TRIM13: variants seen among roughly 807,000 people sequenced by gnomAD.
TRIM13 encodes E3 ubiquitin-protein ligase TRIM13.
TRIM13 carries 15 observed loss-of-function variants against 27.1 expected under a neutral mutation model. That is an observed-to-expected ratio of 0.55 (90% CI 0.37 to 0.85). The LOEUF is 0.85. Ranked by LOEUF, TRIM13 falls within the 40% of genes least tolerant of loss-of-function variation. The pLI is 0.00. For missense variants in TRIM13, 402 were observed against 472.2 expected, an observed-to-expected ratio of 0.85 and a Z score of 1.38; for synonymous variants, 193 against 171.5, an observed-to-expected ratio of 1.13 and a Z score of -0.98.
rs1231683165 is a variant in TRIM13 at position 50,015,944 on chromosome 13, AC to A, written c.*2782del. ...GTTTACAGAACAACCTTCAGCGCCG[AC>A]CTGGAATGGTAACTTTTTCCCTCCT... On this transcript the variant is annotated 3_prime_UTR_variant, in exon 2 of 2. Coordinates refer to ENST00000378182, the MANE Select transcript of TRIM13 (RefSeq NM_213590.3). The A allele has an allele frequency of 6.2e-7, 1 of 1,614,076 alleles. No individual in the cohort carries two copies. The highest frequency in any genetic ancestry group is 8.5e-7 in the Non-Finnish European group (1 of 1,179,974).
At chr13:50,001,709 GA>G (rs1316354607) in intron 1 of TRIM13, among the ~76,000 whole-genome samples, 2 of 152,064 alleles carry the variant, frequency 1.3e-5, no homozygotes, top group Non-Finnish European at 2.9e-5. Flanking sequence ...TAGAGGTATT[GA>G]AATCTGATAT....
chr13:49,999,977 T>G (rs1406322246), intron 1 of TRIM13, among the ~76,000 whole-genome samples: 2 of 152,146 alleles, frequency 1.3e-5, no homozygotes, highest in Admixed American at 1.3e-4. Context: ...GCTGGGGGTG[T>G]CTTAGTTTTT....
chr13:50,015,383 A>G lies in TRIM13; in HGVS notation c.*2219A>G. The stretch of plus-strand genomic sequence containing the variant: ...TGGGAATCTAAGTCTGGTTTTTGTT[A>G]TTCTTCCCTCCCCTCCACTGCATAA... On this transcript the variant is annotated 3_prime_UTR_variant, in exon 2 of 2. Transcript: ENST00000378182. 1.2e-6 allele frequency: 1 copy of G among 807,494 alleles called. No homozygotes were observed. Among genetic ancestry groups the G allele is most frequent in the South Asian group, 1.8e-5 (1 of 56,012 alleles). The allele number at this position is 807,494 out of a possible 1,614,324, so 50.0% of individuals were successfully genotyped here. A position where few individuals can be genotyped will look rare whatever the true frequency, so the allele number is the denominator to read the frequency against.
intron 1 of TRIM13, among the ~76,000 whole-genome samples, chr13:50,001,309 A>AAG (rs10688166): frequency 1.3e-5 from 2 of 151,008 alleles, no homozygotes; most frequent in Admixed American, 6.6e-5. Context: ...AAAAAAAAAA[A>AAG]GGCAGGAAAG....
rs200905613 is a variant in TRIM13 at position 50,012,677 on chromosome 13, T to G, written c.737T>G (p.Ile246Ser). The G allele has an allele frequency of 1.5e-4, 243 of 1,614,106 alleles. No homozygotes were observed. The highest frequency in any genetic ancestry group is 2.0e-4 in the Non-Finnish European group (235 of 1,180,002). The change falls in exon 2 of 2, where the codon ATT (isoleucine) becomes AGT (serine). Residue 246 changes from isoleucine (I) to serine (S), a missense_variant. This residue lies in a region of TRIM13 where 200 missense variants were observed against 194.7 expected (regional missense o/e 1.03). Coordinates refer to ENST00000378182, the MANE Select transcript of TRIM13 (RefSeq NM_213590.3). ...AEAFKDVSEP[I>S]VFLQQMQEFR... ...GCTTTCAAAGATGTGTCAGAACCCA[T>G]TGTATTTCTGCAACAGATGCAGGAG...
intron 1 of TRIM13, among the ~76,000 whole-genome samples, chr13:50,005,875 G>A (rs1394381099): frequency 4.0e-5 from 6 of 150,306 alleles, no homozygotes; most frequent in Non-Finnish European, 7.4e-5. Context: ...GCGCCACCAC[G>A]CCTGGCTAAT....
At chr13:50,006,521 C>T (rs1201966092) in intron 1 of TRIM13, among the ~76,000 whole-genome samples, 1 of 152,146 alleles carries the variant, frequency 6.6e-6, no homozygotes, top group Non-Finnish European at 1.5e-5. Flanking sequence ...ATTGCCTTCT[C>T]AAAAATCTGG....
At chr13:50,005,866 C>T (rs1481057054) in intron 1 of TRIM13, among the ~76,000 whole-genome samples, 4 of 150,410 alleles carry the variant, frequency 2.7e-5, no homozygotes, top group Non-Finnish European at 4.4e-5. Context: ...TACAGGCATG[C>T]GCCACCACGC....
intron 1 of TRIM13, among the ~76,000 whole-genome samples, chr13:50,010,999 A>G (rs1265323068): frequency 6.6e-6 from 1 of 152,208 alleles, no homozygotes; most frequent in Non-Finnish European, 1.5e-5. Context: ...ACTTAATAAA[A>G]TGAATAATTT....
Position 50,012,337 on chromosome 13 carries a change from G to A in TRIM13, c.397G>A (p.Asp133Asn). Residue 133 changes from aspartate to asparagine, a missense_variant, in exon 2 of 2, where the codon GAT (aspartate) becomes AAT (asparagine). Coordinates refer to ENST00000378182, the MANE Select transcript of TRIM13 (RefSeq NM_213590.3). The part of the protein sequence containing the change: ...HTKHVFCSIE[D>N]AYAQERDAFE... ...CAAACATGTCTTCTGTTCTATTGAA[G>A]ATGCCTATGCTCAGGAAAGGGATGC... is the stretch of plus-strand genomic sequence containing the variant. The A allele has an allele frequency of 1.2e-6, 2 of 1,614,156 alleles. No individual in the cohort carries two copies. The highest frequency in any genetic ancestry group is 2.2e-5 in the South Asian group (2 of 91,086).
rs1876105353 is a variant in TRIM13 at position 50,014,376 on chromosome 13, C to CAA, written c.*1213_*1214insAA. The CAA allele has an allele frequency of 8.3e-6, 1 of 120,166 alleles. No homozygotes were observed. The highest frequency in any genetic ancestry group is 3.5e-5 in the African/African-American group (1 of 28,694). 7.4% of individuals were successfully genotyped at this position (120,166 alleles called of 1,614,324 possible). A position where few individuals can be genotyped will look rare whatever the true frequency, so the allele number is the denominator to read the frequency against. The stretch of plus-strand genomic sequence containing the variant: ...ATATATATATACACACACACACACA[C>CAA]ATATGTACACATACATATATATACA... On this transcript the variant is annotated 3_prime_UTR_variant, in exon 2 of 2. Transcript: ENST00000378182.
chr13:50,008,058 C>A (rs1186916183), intron 1 of TRIM13, among the ~76,000 whole-genome samples: 2 of 151,874 alleles, frequency 1.3e-5, no homozygotes, highest in Admixed American at 6.6e-5. Flanking sequence ...GTGCCTGCCA[C>A]CACGCCCAGC....
rs181620200 is a variant in TRIM13, at chr13:50,007,351, C to G, written c.-6-4584C>G. On this transcript the variant is annotated intron_variant, in intron 1 of 1. Transcript: ENST00000378182. ...TAAAAATACAACAAAATTAGCCGGGCGTGGTGGCCGGTGCCTGTAATCCCA... is the reference window on the plus strand; with the variant it reads ...TAAAAATACAACAAAATTAGCCGGGGGTGGTGGCCGGTGCCTGTAATCCCA... Among the ~76,000 whole-genome samples, 3 of 150,080 alleles carry G rather than the reference C, an allele frequency of 2.0e-5. No homozygotes were observed. In the South Asian group the frequency reaches 6.4e-4, roughly 32 times the overall value.
chr13:50,010,014 TA>T (rs1465567511), intron 1 of TRIM13, among the ~76,000 whole-genome samples: 2 of 150,564 alleles, frequency 1.3e-5, no homozygotes, highest in East Asian at 3.9e-4. Context: ...GAATATTATT[TA>T]AATAGCCTTT....
Position 50,014,360 on chromosome 13 carries a change from TACACAC to T in TRIM13, c.*1208_*1213del, listed in dbSNP as rs377384125. ...AAAAAAAAAAATATATATATATATA[TACACAC>T]ACACACACACATATGTACACATACA... On this transcript the variant is annotated 3_prime_UTR_variant, in exon 2 of 2. Coordinates refer to ENST00000378182, the MANE Select transcript of TRIM13 (RefSeq NM_213590.3). 7.3e-4 allele frequency: 43 copies of T among 58,690 alleles called. 1 individual carries two copies. Among genetic ancestry groups the T allele is most frequent in the Non-Finnish European group, 1.1e-3 (35 of 32,104 alleles). 3.6% of individuals were successfully genotyped at this position (58,690 alleles called of 1,614,324 possible).
intron 1 of TRIM13, among the ~76,000 whole-genome samples, chr13:50,010,758 A>AT (rs1048146666): frequency 3.3e-5 from 5 of 152,070 alleles, no homozygotes; most frequent in Admixed American, 6.6e-5. Flanking sequence ...TAGCAAGCTC[A>AT]TTTTTTTTCC....
At chr13:50,008,479 A>G (rs75148443) in intron 1 of TRIM13, among the ~76,000 whole-genome samples, 4 of 110,436 alleles carry the variant, frequency 3.6e-5, no homozygotes, top group African/African-American at 1.4e-4. Flanking sequence ...TGGTCTCTAC[A>G]AAAAAAAAAG....
rs1031178256 is a variant in TRIM13 at position 50,014,397 on chromosome 13, A to G, written c.*1233A>G. The G allele has an allele frequency of 1.3e-5, 2 of 159,604 alleles. No individual in the cohort carries two copies. The highest frequency in any genetic ancestry group is 3.0e-5 in the Non-Finnish European group (2 of 66,810). The allele number at this position is 159,604 out of a possible 1,614,324, so 9.9% of individuals were successfully genotyped here. On this transcript the variant is annotated 3_prime_UTR_variant, in exon 2 of 2. Coordinates refer to ENST00000378182, the MANE Select transcript of TRIM13 (RefSeq NM_213590.3). ...CACACATATGTACACATACATATAT[A>G]TACATATATATGTATATATAGAACA...
In TRIM13 at chr13:50,015,214, T is replaced by A. The variant is rs1272084645; in HGVS notation, c.*2050T>A. On this transcript the variant is annotated 3_prime_UTR_variant, in exon 2 of 2. Coordinates refer to ENST00000378182, the MANE Select transcript of TRIM13 (RefSeq NM_213590.3). The stretch of plus-strand genomic sequence containing the variant: ...AGACAGGAAAGGGATCTATTTGATG[T>A]CTATCTTCAGATATATTGGCAGTTT... 4.6e-6 allele frequency: 1 copy of A among 219,194 alleles called. No individual in the cohort carries two copies. Among genetic ancestry groups the A allele is most frequent in the Non-Finnish European group, 9.6e-6 (1 of 104,476 alleles). The allele number at this position is 219,194 out of a possible 1,614,324, so 13.6% of individuals were successfully genotyped here. A position where few individuals can be genotyped will look rare whatever the true frequency, so the allele number is the denominator to read the frequency against.
Sources: allele counts gnomAD v4.1 joint callset (sites outside exome capture counted in the v4.1 genomes callset), GRCh38; gene constraint gnomAD v4.1.1; regional missense constraint gnomAD v4.1.1; transcripts MANE v1.5; gene names NCBI Gene and HGNC (gene_info 2026-07-23, HGNC 2026-07-21).